Variants in AFAP1L2 observed in about 807,000 individuals in gnomAD.
AFAP1L2 encodes the protein actin filament-associated protein 1-like 2.
A neutral mutation model predicts 99.3 loss-of-function variants in AFAP1L2; 46 were observed. That is an observed-to-expected ratio of 0.46 (90% CI 0.37 to 0.59). The LOEUF (loss-of-function observed/expected upper bound fraction) is 0.59. Among genes scored for constraint, AFAP1L2 ranks in the 20% least tolerant of loss-of-function variants. The probability of loss-of-function intolerance (pLI) is 0.00; values close to 1 mark genes in which losing one functional copy is unlikely to be tolerated. For synonymous variants in AFAP1L2, 397 were observed against 419.1 expected, an observed-to-expected ratio of 0.95 and a Z score of 0.64; for missense variants, 959 against 1,034.9, an observed-to-expected ratio of 0.93 and a Z score of 1.01.
intron 1 of AFAP1L2, among the ~76,000 whole-genome samples, chr10:114,397,098 T>C (rs1292760056): frequency 6.8e-6 from 1 of 146,572 alleles, no homozygotes; most frequent in Non-Finnish European, 1.5e-5. Flanking sequence ...AAAAGTCAGC[T>C]TTATTGAGGT....
intron 4 of AFAP1L2, among the ~76,000 whole-genome samples, chr10:114,324,396 A>C (rs926072096): frequency 3.6e-3 from 453 of 125,730 alleles, no homozygotes; most frequent in African/African-American, 5.6e-3. Flanking sequence ...GGGGTGCACC[A>C]CCCCCCCCCC....
chr10:114,361,231 T>C (rs1296130290), intron 1 of AFAP1L2, among the ~76,000 whole-genome samples: 4 of 152,250 alleles, frequency 2.6e-5, no homozygotes, highest in Admixed American at 1.3e-4. Flanking sequence ...AAGAAGAGAT[T>C]TGAGTGGGGA....
In AFAP1L2 at chr10:114,300,568, G is replaced by C. The variant is rs141597041; in HGVS notation, c.1665C>G (p.Ala555=). The change falls in exon 14 of 19, where the codon GCC becomes GCG. Residue 555 remains alanine, a synonymous_variant. Coordinates refer to ENST00000304129, the MANE Select transcript of AFAP1L2 (RefSeq NM_001001936.3). ...AGGACAACGTCGGGGAGGAGGCCTG[G>C]GCCTGTGCACTGCTGGGGCCATGCA... ...SFLHGPSSAQ[A]QASSPTLSCL... 3.9e-4 allele frequency: 625 copies of C among 1,614,150 alleles called. 2 individuals are homozygous for C. The African/African-American group carries it at 5.6e-3, about 14-fold the overall frequency.
chr10:114,327,322 T>G lies in AFAP1L2; in HGVS notation c.316-4061A>C, dbSNP rs1227792545. Among the ~76,000 whole-genome samples the G allele has an allele frequency of 3.3e-5, 5 of 150,974 alleles. No individual in the cohort carries two copies. In the East Asian group the frequency reaches 9.9e-4, roughly 30 times the overall value. On this transcript the variant is annotated intron_variant, in intron 4 of 18. Transcript: ENST00000304129. ...TGCGTACCACCACGCTTGGCTAATT[T>G]TTGTATTTTTAATAGAGACGTGGTT...
At chr10:114,403,298 T>G (rs982627429) in intron 1 of AFAP1L2, among the ~76,000 whole-genome samples, 4 of 152,160 alleles carry the variant, frequency 2.6e-5, no homozygotes, top group African/African-American at 9.7e-5. Context: ...GTAACCAGGC[T>G]ACCCAGATGA....
At chr10:114,392,197 T>G (rs2057236593) in intron 1 of AFAP1L2, among the ~76,000 whole-genome samples, 1 of 152,030 alleles carries the variant, frequency 6.6e-6, no homozygotes, top group Non-Finnish European at 1.5e-5. Context: ...ACCAGCCTGG[T>G]CAACATAGCA....
intron 12 of AFAP1L2, chr10:114,301,985 C>T (rs2041281242): frequency 3.6e-6 from 1 of 278,156 alleles, no homozygotes. Context: ...CACCCCCTGA[C>T]CTGCTTTTCT....
intron 4 of AFAP1L2, 83 bp from the exon 5 acceptor site, chr10:114,323,344 T>C: frequency 3.1e-6 from 4 of 1,272,164 alleles, no homozygotes; most frequent in Non-Finnish European, 1.1e-6. Context: ...GGTGGAAGTC[T>C]AGAAGACAAA....
chr10:114,348,343 C>G (rs377738188), intron 1 of AFAP1L2, among the ~76,000 whole-genome samples: 1 of 152,176 alleles, frequency 6.6e-6, no homozygotes, highest in Non-Finnish European at 1.5e-5. Context: ...TCCCACTACC[C>G]GAGAAAGTTT....
At chr10:114,304,953 A>G in intron 10 of AFAP1L2, 23 bp from the exon 11 acceptor site, 1 of 1,372,012 alleles carries the variant, frequency 7.3e-7, no homozygotes, top group Non-Finnish European at 9.7e-7. Flanking sequence ...GTGCAGATGC[A>G]GGAGGGGACA....
chr10:114,307,939 A>T (rs1211303504), intron 9 of AFAP1L2, 30 bp from the exon 10 acceptor site: 1 of 1,602,846 alleles, frequency 6.2e-7, no homozygotes, highest in African/African-American at 1.3e-5. Flanking sequence ...AGCAATTCGT[A>T]TTGCACGTGG....
At chr10:114,339,340 G>T (rs1185900509) in intron 2 of AFAP1L2, among the ~76,000 whole-genome samples, 2 of 152,160 alleles carry the variant, frequency 1.3e-5, no homozygotes, top group African/African-American at 4.8e-5. Context: ...CCAGCTACTC[G>T]GGAGGCTGAG....
At chr10:114,325,987 C>T in intron 4 of AFAP1L2, 1 of 1,288,702 alleles carries the variant, frequency 7.8e-7, no homozygotes, top group Non-Finnish European at 1.0e-6. Context: ...TCAGGTGGGT[C>T]CCATCTGGAG....
intron 8 of AFAP1L2, 130 bp downstream of exon 8, chr10:114,310,224 G>A (rs764718345): frequency 6.4e-5 from 61 of 949,234 alleles, no homozygotes; most frequent in Non-Finnish European, 8.0e-5. Flanking sequence ...CACCCTGCCC[G>A]GCCTCAAGCA....
chr10:114,327,173 A>ATATATTT lies in AFAP1L2; in HGVS notation c.316-3913_316-3912insAAATATA, dbSNP rs1491191152. Among the ~76,000 whole-genome samples, 154 of 18,662 alleles carry ATATATTT rather than the reference A, an allele frequency of 8.3e-3. 1 individual carries two copies. The highest frequency in any genetic ancestry group is 0.016 in the African/African-American group (141 of 8,702). 12.2% of individuals were successfully genotyped at this position (18,662 alleles called of 152,430 possible). A position where few individuals can be genotyped will look rare whatever the true frequency, so the allele number is the denominator to read the frequency against. On this transcript the variant is annotated intron_variant, in intron 4 of 18. Coordinates refer to ENST00000304129, the MANE Select transcript of AFAP1L2 (RefSeq NM_001001936.3). ...TATATATATATATATATATATATAT[A>ATATATTT]TTTTTTTTTTAGGCAGAGTCTCACT...
chr10:114,313,835 T>C (rs2043659285), intron 7 of AFAP1L2, 36 bp downstream of exon 7: 12 of 1,557,528 alleles, frequency 7.7e-6, no homozygotes, highest in Non-Finnish European at 1.0e-5. Context: ...GCCACAACTC[T>C]AGGAACCCCT....
At chr10:114,301,309 G>A (rs751049260) in intron 13 of AFAP1L2, 45 bp downstream of exon 13, 1 of 1,483,264 alleles carries the variant, frequency 6.7e-7, no homozygotes, top group Non-Finnish European at 9.4e-7. Context: ...GTTGGTAGGA[G>A]GAGGGCCTGG....
chr10:114,352,849 G>A (rs2136258422), intron 1 of AFAP1L2, among the ~76,000 whole-genome samples: 1 of 152,332 alleles, frequency 6.6e-6, no homozygotes, highest in East Asian at 1.9e-4. Flanking sequence ...GTTCCTTTCG[G>A]CAAACAGCAC....
At chr10:114,332,779 C>T (rs2047425087) in intron 3 of AFAP1L2, among the ~76,000 whole-genome samples, 2 of 152,214 alleles carry the variant, frequency 1.3e-5, no homozygotes, top group Admixed American at 1.3e-4. Context: ...ACTAAACGTT[C>T]CGCCAAAGTC....
Sources: gnomAD v4.1 joint callset for allele counts (sites outside exome capture counted in the v4.1 genomes callset) on GRCh38, gnomAD v4.1.1 for gene constraint, MANE v1.5 for transcripts, NCBI Gene and HGNC (gene_info 2026-07-23, HGNC 2026-07-21) for gene names.